Variants in EIF3H observed in about 807,000 individuals in gnomAD.
EIF3H encodes eukaryotic translation initiation factor 3 subunit H, also known as eIF-3-gamma.
Under a neutral mutation model 44.2 loss-of-function variants are expected in EIF3H, and 26 were observed. The ratio of observed to expected loss-of-function variants is 0.59; its 90% CI spans 0.43 to 0.82. EIF3H has a LOEUF of 0.82. Ranked by LOEUF, EIF3H falls within the 40% of genes least tolerant of loss-of-function variation. EIF3H has a pLI of 0.00. For synonymous variants in EIF3H, 166 were observed against 151.9 expected, an observed-to-expected ratio of 1.09 and a Z score of -0.68; for missense variants, 359 against 432.8, an observed-to-expected ratio of 0.83 and a Z score of 1.51.
chr8:116,734,374 TGAC>T (rs776208492), intron 1 of EIF3H: 7 of 455,910 alleles, frequency 1.5e-5, no homozygotes, highest in South Asian at 1.1e-4. Context: ...AGAGAATACT[TGAC>T]GACTATGGAT....
chr8:116,733,227 G>T (rs145539840), intron 1 of EIF3H, among the ~76,000 whole-genome samples: 1 of 152,188 alleles, frequency 6.6e-6, no homozygotes, highest in East Asian at 1.9e-4. Flanking sequence ...TGGAGGTTAG[G>T]GGGCAGAGCT....
intron 2 of EIF3H, among the ~76,000 whole-genome samples, chr8:116,724,390 G>A (rs565277244): frequency 6.6e-6 from 1 of 152,220 alleles, no homozygotes; most frequent in South Asian, 2.1e-4. Flanking sequence ...ATTGGATTTG[G>A]CACTGATATC....
At chr8:116,646,117 C>T (rs555788772) in intron 7 of EIF3H, among the ~76,000 whole-genome samples, 1 of 152,300 alleles carries the variant, frequency 6.6e-6, no homozygotes, top group East Asian at 1.9e-4. Flanking sequence ...ACCCACTGTA[C>T]AGTGCTGTGC....
At chr8:116,656,643 G>A (rs959013680) in intron 4 of EIF3H, among the ~76,000 whole-genome samples, 2 of 152,122 alleles carry the variant, frequency 1.3e-5, no homozygotes, top group Non-Finnish European at 1.5e-5. Context: ...GATTCAATAA[G>A]AACTAAAAAT....
At chr8:116,716,176 C>T (rs2130908653) in intron 2 of EIF3H, among the ~76,000 whole-genome samples, 1 of 152,100 alleles carries the variant, frequency 6.6e-6, no homozygotes, top group Admixed American at 6.5e-5. Context: ...TTCTAGTACT[C>T]AAGTGAGCAA....
chr8:116,753,205 G>A (rs940477387), intron 1 of EIF3H, among the ~76,000 whole-genome samples: 2 of 152,000 alleles, frequency 1.3e-5, no homozygotes, highest in Non-Finnish European at 2.9e-5. Context: ...TCCAAAAAGG[G>A]GGAAAGTTGT....
Position 116,644,212 on chromosome 8 carries a change from A to G in EIF3H, c.*794T>C, listed in dbSNP as rs1813263710. 6.6e-6 allele frequency: 1 copy of G among 152,286 alleles called. No homozygotes were observed. The highest frequency in any genetic ancestry group is 2.4e-5 in the African/African-American group (1 of 41,432). The allele number at this position is 152,286 out of a possible 1,614,324, so 9.4% of individuals were successfully genotyped here. A position where few individuals can be genotyped will look rare whatever the true frequency, so the allele number is the denominator to read the frequency against. ...GCAGACCAGCCTGGCCAACATGGTG[A>G]AACCCCATCTCTACTAAAAATACAA... On this transcript the variant is annotated 3_prime_UTR_variant, in exon 8 of 8. Transcript: ENST00000521861.
intron 5 of EIF3H, among the ~76,000 whole-genome samples, 159 bp from the exon 6 acceptor site, chr8:116,649,085 A>G (rs957445310): frequency 2.0e-5 from 3 of 152,368 alleles, no homozygotes; most frequent in South Asian, 2.1e-4. Flanking sequence ...ATCTGAGTCA[A>G]CTTGTTACTA....
chr8:116,695,406 G>A (rs1285196408), intron 2 of EIF3H, among the ~76,000 whole-genome samples: 1 of 152,042 alleles, frequency 6.6e-6, no homozygotes, highest in African/African-American at 2.4e-5. Context: ...TGGCACACAG[G>A]TACATTTTTT....
intron 2 of EIF3H, among the ~76,000 whole-genome samples, chr8:116,706,720 A>T (rs1329891874): frequency 6.6e-6 from 1 of 151,354 alleles, no homozygotes; most frequent in Non-Finnish European, 1.5e-5. Flanking sequence ...TTTTTAAAAG[A>T]TGGAGTTTCA....
At chr8:116,760,118 G>A (rs1057249153), upstream of EIF3H, among the ~76,000 whole-genome samples, 1 of 152,224 alleles carries the variant, frequency 6.6e-6, no homozygotes, top group East Asian at 1.9e-4. Flanking sequence ...AAGTGAAGCA[G>A]CATAAAGACT....
intron 1 of EIF3H, among the ~76,000 whole-genome samples, chr8:116,730,643 G>C (rs1000119913): frequency 6.6e-6 from 1 of 152,014 alleles, no homozygotes; most frequent in African/African-American, 2.4e-5. Flanking sequence ...TCATAGATTC[G>C]AAGTATCTTT....
chr8:116,750,203 A>G (rs1248283667), intron 1 of EIF3H, among the ~76,000 whole-genome samples: 3 of 152,300 alleles, frequency 2.0e-5, no homozygotes, highest in African/African-American at 7.2e-5. Context: ...AGAACAGAAT[A>G]CATCTGGAGT....
intron 1 of EIF3H, chr8:116,737,375 G>T (rs957484598): frequency 2.4e-6 from 1 of 412,368 alleles, no homozygotes; most frequent in African/African-American, 2.1e-5. Context: ...AATTAATAGG[G>T]CTGGGCGCAG....
intron 1 of EIF3H, among the ~76,000 whole-genome samples, chr8:116,761,987 A>C (rs1815523659): frequency 2.0e-5 from 3 of 152,242 alleles, no homozygotes; most frequent in Admixed American, 2.0e-4. Flanking sequence ...CAAATTGTTT[A>C]TACTTTCAAG....
chr8:116,679,651 G>C (rs1194471146), intron 2 of EIF3H, among the ~76,000 whole-genome samples: 4 of 12,560 alleles, frequency 3.2e-4, no homozygotes, highest in Admixed American at 4.0e-4. Flanking sequence ...TCAGCCCCCC[G>C]CCTGGCCAGC....
chr8:116,747,216 T>C (rs1815252950), intron 1 of EIF3H, among the ~76,000 whole-genome samples: 1 of 152,082 alleles, frequency 6.6e-6, no homozygotes, highest in African/African-American at 2.4e-5. Context: ...GCATCCGCCA[T>C]CATGCCCGGC....
intron 1 of EIF3H, among the ~76,000 whole-genome samples, chr8:116,761,398 G>A (rs1288117345): frequency 1.3e-5 from 2 of 152,160 alleles, no homozygotes; most frequent in Non-Finnish European, 2.9e-5. Flanking sequence ...TGTAATCCCA[G>A]CTACTCAGGA....
chr8:116,671,099 G>A (rs888423882), intron 2 of EIF3H, among the ~76,000 whole-genome samples: 1 of 152,190 alleles, frequency 6.6e-6, no homozygotes, highest in Non-Finnish European at 1.5e-5. Flanking sequence ...AACTTCTATG[G>A]GCTATACTGA....
Sources: allele counts gnomAD v4.1 joint callset (sites outside exome capture counted in the v4.1 genomes callset), GRCh38; gene constraint gnomAD v4.1.1; transcripts MANE v1.5; gene names NCBI Gene and HGNC (gene_info 2026-07-23, HGNC 2026-07-21).